The following ABCC1 variants were observed in gnomAD, a reference collection of about 807,000 sequenced individuals.
The protein encoded by ABCC1 is multidrug resistance-associated protein 1.
In ABCC1, 83 loss-of-function variants were observed where a neutral mutation model predicts 172.9. That is an observed-to-expected ratio of 0.48 (90% CI 0.40 to 0.58). The LOEUF (loss-of-function observed/expected upper bound fraction) is 0.58. ABCC1 is among the 20% of genes least tolerant of loss of function. The pLI, the probability that ABCC1 is intolerant of heterozygous loss-of-function variation, is 0.00. For synonymous variants in ABCC1, 937 were observed against 825.2 expected (o/e 1.14, Z -2.32); for missense variants, 1,817 against 2,002.7 (o/e 0.91, Z 1.77).
intron 12 of ABCC1, among the ~76,000 whole-genome samples, chr16:16,058,014 A>G (rs977126303): frequency 3.9e-5 from 6 of 151,930 alleles, no homozygotes; most frequent in Non-Finnish European, 5.9e-5. Context: ...CCTTTCTCCC[A>G]TTCCTTGCAA....
At chr16:16,042,350 G>T (rs2049009756) in intron 7 of ABCC1, among the ~76,000 whole-genome samples, 1 of 152,032 alleles carries the variant, frequency 6.6e-6, no homozygotes, top group Non-Finnish European at 1.5e-5. Context: ...ATTAGCAAGT[G>T]AACAGACAGA....
At chr16:16,002,101 C>T (rs965939533) in intron 1 of ABCC1, among the ~76,000 whole-genome samples, 3 of 152,138 alleles carry the variant, frequency 2.0e-5, no homozygotes, top group African/African-American at 7.2e-5. Context: ...AGAGGAACAC[C>T]AATGCCAAGT....
intron 1 of ABCC1, among the ~76,000 whole-genome samples, chr16:15,988,340 G>C (rs932283212): frequency 6.6e-6 from 1 of 152,136 alleles, no homozygotes; most frequent in Admixed American, 6.6e-5. Flanking sequence ...TAGGCTGTCA[G>C]CTCCAGGAGG....
At position 16,111,296 on chromosome 16, in the gene ABCC1, A is replaced by T; in HGVS notation, c.2872-79A>T. ...GCAGCTGGGTGGCACAGTGCTGGTG[A>T]AGCCCCCGACCTTGTGGGGCTGGGG... On this transcript the variant is annotated intron_variant, in intron 21 of 30. Transcript: ENST00000399410. 5 of 1,201,082 alleles carry T rather than the reference A, an allele frequency of 4.2e-6. No individual in the cohort carries two copies. The South Asian group carries it at 5.1e-5, about 12-fold the overall frequency. 74.4% of individuals were successfully genotyped at this position (1,201,082 alleles called of 1,614,324 possible).
intron 26 of ABCC1, among the ~76,000 whole-genome samples, chr16:16,127,475 A>C (rs776235482): frequency 6.6e-6 from 1 of 152,188 alleles, no homozygotes; most frequent in Non-Finnish European, 1.5e-5. Flanking sequence ...CTGGGATTAC[A>C]AGCGGGAGCC....
intron 30 of ABCC1, among the ~76,000 whole-genome samples, chr16:16,140,445 C>G (rs2046084278): frequency 1.3e-5 from 2 of 152,318 alleles, no homozygotes; most frequent in African/African-American, 2.4e-5. Context: ...AGTGATCCTC[C>G]TGCCTCAGCC....
chr16:15,959,834 C>T (rs1473456415), intron 1 of ABCC1, among the ~76,000 whole-genome samples: 1 of 152,160 alleles, frequency 6.6e-6, no homozygotes, highest in East Asian at 1.9e-4. Context: ...TCCTGTAACC[C>T]TCAGGAATTG....
At chr16:16,106,416 G>GA (rs56210046) in intron 20 of ABCC1, 30 of 124,656 alleles carry the variant, frequency 2.4e-4, no homozygotes, top group Non-Finnish European at 2.9e-4. Context: ...ATTGATCTCA[G>GA]AAAAAAAAAA....
intron 10 of ABCC1, among the ~76,000 whole-genome samples, chr16:16,051,959 G>A (rs995347607): frequency 6.7e-6 from 1 of 149,986 alleles, no homozygotes; most frequent in African/African-American, 2.4e-5. Context: ...AGCTGGGTGT[G>A]ATGGCTCGCG....
intron 21 of ABCC1, among the ~76,000 whole-genome samples, chr16:16,110,102 CCTT>C (rs2052321030): frequency 7.6e-6 from 1 of 130,812 alleles, no homozygotes; most frequent in South Asian, 2.5e-4. Context: ...TGGTTTAACT[CCTT>C]TTTTTTTTTT....
chr16:16,126,471 C>T (rs1368268864), intron 26 of ABCC1, among the ~76,000 whole-genome samples: 1 of 152,146 alleles, frequency 6.6e-6, no homozygotes, highest in Non-Finnish European at 1.5e-5. Flanking sequence ...GCAACCTCCT[C>T]CTCCCAGGTT....
In ABCC1 at chr16:16,027,657, A is replaced by G. The variant is rs574194615; in HGVS notation, c.616-5452A>G. Reference sequence around the variant, plus strand: ...GTGAAATTCTGTCTCTACAAAAAATACAAAAATTAGCTGGGTGTTGTGGTG... The same window carrying G: ...GTGAAATTCTGTCTCTACAAAAAATGCAAAAATTAGCTGGGTGTTGTGGTG... On this transcript the variant is annotated intron_variant, in intron 5 of 30. Transcript: ENST00000399410. 6.1e-4 allele frequency among the ~76,000 whole-genome samples: 93 copies of G among 152,284 alleles called. 1 individual carries two copies. Among genetic ancestry groups the G allele is most frequent in the Middle Eastern group, 6.8e-3 (2 of 294 alleles).
chr16:15,957,837 C>T (rs1484104623), intron 1 of ABCC1, among the ~76,000 whole-genome samples: 2 of 152,210 alleles, frequency 1.3e-5, no homozygotes, highest in Non-Finnish European at 2.9e-5. Flanking sequence ...CGTGATCCGC[C>T]CGCCTCGGCC....
chr16:16,007,425 A>G (rs1026338985), intron 1 of ABCC1, among the ~76,000 whole-genome samples: 5 of 152,070 alleles, frequency 3.3e-5, no homozygotes, highest in Non-Finnish European at 5.9e-5. Context: ...GCATCTCACT[A>G]TCTTGCCTAG....
At chr16:16,025,309 G>A (rs2048333839) in intron 5 of ABCC1, among the ~76,000 whole-genome samples, 1 of 152,166 alleles carries the variant, frequency 6.6e-6, no homozygotes, top group Non-Finnish European at 1.5e-5. Context: ...GGTCAGAGTG[G>A]TGATGTGTCA....
intron 1 of ABCC1, among the ~76,000 whole-genome samples, chr16:15,987,219 T>G (rs946491491): frequency 6.6e-6 from 1 of 152,220 alleles, no homozygotes; most frequent in Non-Finnish European, 1.5e-5. Context: ...CTGGAAGTTT[T>G]ACTAGTAGTG....
At chr16:15,985,926 C>T (rs1014065194) in intron 1 of ABCC1, among the ~76,000 whole-genome samples, 4 of 152,002 alleles carry the variant, frequency 2.6e-5, no homozygotes, top group African/African-American at 4.8e-5. Context: ...TTCCTCAATT[C>T]GTGGTTTCAT....
In ABCC1 at chr16:16,114,858, C is replaced by A. The variant is rs201602318; in HGVS notation, c.3172C>A (p.Arg1058=). The A allele has an allele frequency of 6.2e-7, 1 of 1,613,926 alleles. No individual in the cohort carries two copies. Among genetic ancestry groups the A allele is most frequent in the South Asian group, 1.1e-5 (1 of 90,998 alleles). ...LHVDLLHSIL[R]SPMSFFERTP... ...CGTGGACCTGCTGCACAGCATCCTG[C>A]GGTCACCCATGAGCTTCTTTGAGCG... Residue 1058 remains arginine (R), a synonymous_variant, in exon 23 of 31, where the codon CGG becomes AGG. Coordinates refer to ENST00000399410, the MANE Select transcript of ABCC1 (RefSeq NM_004996.4).
intron 20 of ABCC1, among the ~76,000 whole-genome samples, chr16:16,104,125 C>G (rs747010329): frequency 6.6e-6 from 1 of 151,876 alleles, no homozygotes; most frequent in Admixed American, 6.6e-5. Flanking sequence ...GTGAGTGTTA[C>G]AGCTCACAAA....
Sources: allele counts gnomAD v4.1 joint callset (sites outside exome capture counted in the v4.1 genomes callset), GRCh38; gene constraint gnomAD v4.1.1; transcripts MANE v1.5; gene names NCBI Gene and HGNC (gene_info 2026-07-23, HGNC 2026-07-21).